CDKAL1: variants seen among roughly 807,000 people sequenced by gnomAD.
The protein encoded by CDKAL1 is threonylcarbamoyladenosine tRNA methylthiotransferase.
Under a neutral mutation model 68.2 loss-of-function variants are expected in CDKAL1, and 32 were observed. That is an observed-to-expected ratio of 0.47 (90% CI 0.35 to 0.63). CDKAL1 has a LOEUF of 0.63. CDKAL1 is among the 30% of genes least tolerant of loss of function. The pLI, the probability that CDKAL1 is intolerant of heterozygous loss-of-function variation, is 0.00. For synonymous variants in CDKAL1, 234 were observed against 244.3 expected (o/e 0.96, Z 0.39); for missense variants, 606 against 696.7 (o/e 0.87, Z 1.47).
intron 5 of CDKAL1, among the ~76,000 whole-genome samples, chr6:20,699,396 C>T (rs1452211261): frequency 6.6e-6 from 1 of 150,902 alleles, no homozygotes; most frequent in Non-Finnish European, 1.5e-5. Context: ...ACCTGTCTGC[C>T]TCTGCCCTTG....
intron 12 of CDKAL1, among the ~76,000 whole-genome samples, chr6:21,084,177 T>C (rs185065214): frequency 5.9e-5 from 9 of 152,334 alleles, no homozygotes; most frequent in African/African-American, 1.9e-4. Flanking sequence ...TGTCATCTTA[T>C]GTAGTCCACA....
chr6:20,855,520 T>C (rs1394448432), intron 9 of CDKAL1, among the ~76,000 whole-genome samples: 1 of 147,590 alleles, frequency 6.8e-6, no homozygotes, highest in Non-Finnish European at 1.5e-5. Context: ...AAGGGATTTA[T>C]TGGGTGCTAA....
chr6:20,542,376 T>C (rs1763422842), intron 2 of CDKAL1, among the ~76,000 whole-genome samples: 1 of 152,224 alleles, frequency 6.6e-6, no homozygotes, highest in African/African-American at 2.4e-5. Flanking sequence ...TCATCTGTCA[T>C]GGTATCCTTG....
rs1376342796 is a variant in CDKAL1, at chr6:20,692,912, G to A, written c.371+43535G>A. Among the ~76,000 whole-genome samples, 5 of 151,748 alleles carry A rather than the reference G, an allele frequency of 3.3e-5. No homozygotes were observed. In the South Asian group the frequency reaches 1.0e-3, roughly 32 times the overall value. On this transcript the variant is annotated intron_variant, in intron 5 of 15. Transcript: ENST00000274695. ...GAGGCCGAGGTGGGTGGATCACGACGTGAGGAGATCGAGACCATCCTGGCT... is the reference window on the plus strand; with the variant it reads ...GAGGCCGAGGTGGGTGGATCACGACATGAGGAGATCGAGACCATCCTGGCT...
At chr6:20,650,527 T>A (rs1041747250) in intron 5 of CDKAL1, among the ~76,000 whole-genome samples, 1 of 152,220 alleles carries the variant, frequency 6.6e-6, no homozygotes, top group East Asian at 1.9e-4. Context: ...ACTCTGATGA[T>A]AGTTTCTTTT....
chr6:21,066,489 CT>C (rs1771446652), intron 12 of CDKAL1, among the ~76,000 whole-genome samples: 1 of 152,174 alleles, frequency 6.6e-6, no homozygotes. Flanking sequence ...GCAAAATTCA[CT>C]CTTTTTGGTG....
intron 15 of CDKAL1, among the ~76,000 whole-genome samples, chr6:21,217,765 TGG>T (rs1779395493): frequency 6.6e-6 from 1 of 152,222 alleles, no homozygotes; most frequent in African/African-American, 2.4e-5. Flanking sequence ...CCCAAAGTGC[TGG>T]GATTACAGGC....
At chr6:20,586,913 T>G (rs1250474920) in intron 4 of CDKAL1, among the ~76,000 whole-genome samples, 1 of 151,548 alleles carries the variant, frequency 6.6e-6, no homozygotes, top group Non-Finnish European at 1.5e-5. Flanking sequence ...TGCTCTTCTT[T>G]GAATATACCA....
At chr6:20,625,398 G>A (rs1434267626) in intron 4 of CDKAL1, among the ~76,000 whole-genome samples, 1 of 152,098 alleles carries the variant, frequency 6.6e-6, no homozygotes, top group African/African-American at 2.4e-5. Context: ...GTTAGTTGAA[G>A]AAGAATTTCA....
intron 15 of CDKAL1, among the ~76,000 whole-genome samples, chr6:21,209,778 A>G (rs1339168537): frequency 6.6e-6 from 1 of 152,220 alleles, no homozygotes; most frequent in Non-Finnish European, 1.5e-5. Flanking sequence ...AGAACCTGAA[A>G]GGTCATCTAA....
intron 13 of CDKAL1, among the ~76,000 whole-genome samples, chr6:21,189,670 C>T (rs1466250230): frequency 6.6e-6 from 1 of 152,154 alleles, no homozygotes; most frequent in Non-Finnish European, 1.5e-5. Flanking sequence ...ATGCTATCAT[C>T]ATTTTTGACA....
chr6:20,651,537 A>G (rs970540075), intron 5 of CDKAL1, among the ~76,000 whole-genome samples: 1 of 152,132 alleles, frequency 6.6e-6, no homozygotes, highest in African/African-American at 2.4e-5. Flanking sequence ...CTATTTGAAT[A>G]CGCTTTATTT....
intron 8 of CDKAL1, among the ~76,000 whole-genome samples, chr6:20,795,189 C>G: frequency 6.6e-6 from 1 of 152,064 alleles, no homozygotes; most frequent in East Asian, 1.9e-4. Context: ...GTTTGTATTT[C>G]TAGTACCTAA....
chr6:20,922,192 C>T (rs1270383667), intron 9 of CDKAL1, among the ~76,000 whole-genome samples: 4 of 152,166 alleles, frequency 2.6e-5, no homozygotes, highest in East Asian at 1.9e-4. Flanking sequence ...ATCTCGTGTT[C>T]GAATAAATCA....
chr6:20,750,170 A>G (rs774941869), intron 6 of CDKAL1, among the ~76,000 whole-genome samples: 1 of 151,958 alleles, frequency 6.6e-6, no homozygotes, highest in Non-Finnish European at 1.5e-5. Flanking sequence ...GCTAAGTGGA[A>G]TGATGTGATC....
In CDKAL1 at chr6:21,159,407, C is replaced by T. The variant is rs1030264011; in HGVS notation, c.1300-38614C>T. Among the ~76,000 whole-genome samples, 6 of 152,196 alleles carry T rather than the reference C, an allele frequency of 3.9e-5. 1 individual carries two copies. Among genetic ancestry groups the T allele is most frequent in the Admixed American group, 3.3e-4 (5 of 15,288 alleles). On this transcript the variant is annotated intron_variant, in intron 13 of 15. Coordinates refer to ENST00000274695, the MANE Select transcript of CDKAL1 (RefSeq NM_017774.3). Reference sequence around the variant, plus strand: ...TCCCTCCATACCCATTCTTGTTCCTCTCTCGAATCTGTTCTTCCAAGGGAA... The same window carrying T: ...TCCCTCCATACCCATTCTTGTTCCTTTCTCGAATCTGTTCTTCCAAGGGAA...
At chr6:20,682,750 T>C (rs986051782) in intron 5 of CDKAL1, among the ~76,000 whole-genome samples, 21 of 152,322 alleles carry the variant, frequency 1.4e-4, no homozygotes, top group African/African-American at 4.6e-4. Context: ...GCATCTGAGA[T>C]TTACTATAGC....
At chr6:20,741,672 GTAT>G (rs1327871096) in intron 6 of CDKAL1, among the ~76,000 whole-genome samples, 1 of 152,048 alleles carries the variant, frequency 6.6e-6, no homozygotes, top group Non-Finnish European at 1.5e-5. Flanking sequence ...TGGCTGCATA[GTAT>G]TCCATAGTGT....
intron 10 of CDKAL1, among the ~76,000 whole-genome samples, chr6:20,999,681 A>G (rs58396801): frequency 0.17 from 24,278 of 143,716 alleles, 2,423 homozygotes; most frequent in Admixed American, 0.25. Flanking sequence ...AAAAAAAAAA[A>G]AAAAAAGAAA....
Sources: allele counts gnomAD v4.1 joint callset (sites outside exome capture counted in the v4.1 genomes callset), GRCh38; gene constraint gnomAD v4.1.1; transcripts MANE v1.5; gene names NCBI Gene and HGNC (gene_info 2026-07-23, HGNC 2026-07-21).